The following EYA3 variants were observed in gnomAD, a reference collection of about 807,000 sequenced individuals.
EYA3 encodes the protein EYA transcriptional coactivator and phosphatase 3.
In EYA3, 39 loss-of-function variants were observed where a neutral mutation model predicts 80.0. That is an observed-to-expected ratio of 0.49 (90% CI 0.38 to 0.64). The LOEUF (loss-of-function observed/expected upper bound fraction) is 0.64. Ranked by LOEUF, EYA3 falls within the 30% of genes least tolerant of loss-of-function variation. The pLI, the probability that EYA3 is intolerant of heterozygous loss-of-function variation, is 0.00. For missense variants in EYA3, 523 were observed against 676.1 expected (o/e 0.77, Z 2.51); for synonymous variants, 206 against 232.8 (o/e 0.88, Z 1.05).
chr1:28,001,874 G>C (rs1205268331), intron 11 of EYA3, among the ~76,000 whole-genome samples: 1 of 150,792 alleles, frequency 6.6e-6, no homozygotes, highest in Admixed American at 6.6e-5. Flanking sequence ...GGGATTACAG[G>C]CATGTGCCAC....
intron 6 of EYA3, among the ~76,000 whole-genome samples, chr1:28,031,351 T>C (rs1374869671): frequency 2.0e-5 from 3 of 152,158 alleles, no homozygotes; most frequent in South Asian, 2.1e-4. Flanking sequence ...TTGCTCATAG[T>C]AAACAAGGAA....
Position 28,048,250 on chromosome 1 carries a change from A to G in EYA3, c.77+133T>C, listed in dbSNP as rs114360141. 5.4e-3 allele frequency: 3,274 copies of G among 608,316 alleles called. 79 individuals carry two copies. In the African/African-American group the frequency reaches 0.054, roughly 10 times the overall value. The allele number at this position is 608,316 out of a possible 1,614,324, so 37.7% of individuals were successfully genotyped here. Reference sequence around the variant, plus strand: ...AAAGGAAATTTTAATCTTAAACCAAATAATTTCAAAATGTAACAGCTGATG... The same window carrying G: ...AAAGGAAATTTTAATCTTAAACCAAGTAATTTCAAAATGTAACAGCTGATG... On this transcript the variant is annotated intron_variant, in intron 3 of 17. Transcript: ENST00000373871.
intron 7 of EYA3, among the ~76,000 whole-genome samples, chr1:28,024,821 T>A (rs1259179683): frequency 1.3e-5 from 2 of 152,158 alleles, no homozygotes; most frequent in Non-Finnish European, 2.9e-5. Flanking sequence ...AGAAGTCAGA[T>A]CTACTCATTC....
At chr1:27,988,780 C>T (rs935958807) in intron 15 of EYA3, 124 bp from the exon 16 acceptor site, 2 of 1,011,798 alleles carry the variant, frequency 2.0e-6, no homozygotes, top group African/African-American at 3.3e-5. Context: ...TGGTATTATA[C>T]TGTTCAGAGC....
intron 5 of EYA3, among the ~76,000 whole-genome samples, chr1:28,037,404 A>G (rs948799215): frequency 1.3e-5 from 2 of 152,248 alleles, no homozygotes; most frequent in Non-Finnish European, 2.9e-5. Context: ...TAAAAAACTG[A>G]ATTTAAAAAT....
In EYA3 at chr1:28,042,563, G is replaced by GTAC; in HGVS notation, c.157+5_157+7dup. On this transcript the variant is annotated splice_region_variant and intron_variant, in intron 4 of 17. Coordinates refer to ENST00000373871, the MANE Select transcript of EYA3 (RefSeq NM_001990.4). ...TCTGTTCAATCATGCACAGAATATGGTACTTACTTTCCTCTGACATGGGAA... is the reference window on the plus strand; with the variant it reads ...TCTGTTCAATCATGCACAGAATATGGTACTACTTACTTTCCTCTGACATGGGAA... 1 of 1,610,546 alleles carries GTAC rather than the reference G, an allele frequency of 6.2e-7. No individual in the cohort carries two copies. The highest frequency in any genetic ancestry group is 1.7e-5 in the Admixed American group (1 of 59,992).
intron 14 of EYA3, among the ~76,000 whole-genome samples, chr1:27,991,826 G>A (rs1293505557): frequency 6.6e-6 from 1 of 152,064 alleles, no homozygotes; most frequent in East Asian, 1.9e-4. Context: ...CTCACACAGG[G>A]TTACATCGCT....
Position 28,088,548 on chromosome 1 carries a change from C to T in EYA3, c.-93G>A, listed in dbSNP as rs1472922106. Reference sequence around the variant, plus strand: ...CCCAAAGGCTGTAAAAGCCCCACAACAGGACATGGAGATCAGTCCAGACCC... The same window carrying T: ...CCCAAAGGCTGTAAAAGCCCCACAATAGGACATGGAGATCAGTCCAGACCC... On this transcript the variant is annotated 5_prime_UTR_variant, in exon 1 of 18. Transcript: ENST00000373871. 6.5e-6 allele frequency: 1 copy of T among 152,930 alleles called. No homozygotes were observed. The highest frequency in any genetic ancestry group is 1.5e-5 in the Non-Finnish European group (1 of 68,250). The allele number at this position is 152,930 out of a possible 1,614,324, so 9.5% of individuals were successfully genotyped here. A position where few individuals can be genotyped will look rare whatever the true frequency, so the allele number is the denominator to read the frequency against.
In EYA3 at chr1:27,974,295, G is replaced by C. The variant is rs746555205; in HGVS notation, c.*171C>G. 4.3e-6 allele frequency: 2 copies of C among 459,920 alleles called. No individual in the cohort carries two copies. Among genetic ancestry groups the C allele is most frequent in the East Asian group, 6.7e-5 (2 of 29,718 alleles). The allele number at this position is 459,920 out of a possible 1,614,324, so 28.5% of individuals were successfully genotyped here. A position where few individuals can be genotyped will look rare whatever the true frequency, so the allele number is the denominator to read the frequency against. On this transcript the variant is annotated 3_prime_UTR_variant, in exon 18 of 18. Coordinates refer to ENST00000373871, the MANE Select transcript of EYA3 (RefSeq NM_001990.4). ...AGAGAGAGAGAGGCAGAGAGGGAGG[G>C]AGAGAGGAAGGGAGGGAGGGAGAGA... is the stretch of plus-strand genomic sequence containing the variant.
intron 16 of EYA3, among the ~76,000 whole-genome samples, chr1:27,988,003 G>T (rs1639784798): frequency 6.6e-6 from 1 of 152,076 alleles, no homozygotes; most frequent in African/African-American, 2.4e-5. Flanking sequence ...AAGTAGTTAG[G>T]ACTACAGCTG....
intron 2 of EYA3, 107 bp downstream of exon 2, chr1:28,057,887 T>C (rs1432065044): frequency 8.1e-6 from 5 of 614,806 alleles, no homozygotes; most frequent in Admixed American, 2.9e-5. Context: ...AAGGAATCTT[T>C]TCCTTATTTT....
intron 1 of EYA3, among the ~76,000 whole-genome samples, chr1:28,071,845 G>T (rs1645029352): frequency 6.6e-6 from 1 of 152,170 alleles, no homozygotes; most frequent in Non-Finnish European, 1.5e-5. Context: ...CAAACAGAAT[G>T]AAACTATAAA....
At chr1:28,019,944 C>T (rs757241499) in intron 7 of EYA3, among the ~76,000 whole-genome samples, 13 of 151,982 alleles carry the variant, frequency 8.6e-5, no homozygotes, top group Non-Finnish European at 1.8e-4. Flanking sequence ...TCAGGTGATC[C>T]ACCCACCTCA....
chr1:28,082,232 C>T (rs1645455950), intron 1 of EYA3, among the ~76,000 whole-genome samples: 1 of 152,068 alleles, frequency 6.6e-6, no homozygotes. Flanking sequence ...TTTCTGTAAA[C>T]CAGATTCTAC....
intron 16 of EYA3, among the ~76,000 whole-genome samples, chr1:27,988,322 C>T (rs1639803422): frequency 6.6e-6 from 1 of 152,090 alleles, no homozygotes; most frequent in Non-Finnish European, 1.5e-5. Flanking sequence ...TATCAAAGAG[C>T]ATGCTTATGT....
intron 1 of EYA3, among the ~76,000 whole-genome samples, chr1:28,074,845 T>A (rs1301692786): frequency 2.0e-5 from 3 of 152,348 alleles, no homozygotes; most frequent in Non-Finnish European, 2.9e-5. Context: ...ACCAGGTATT[T>A]GTTGTTATTA....
chr1:28,000,217 T>C (rs1279430514), intron 11 of EYA3, among the ~76,000 whole-genome samples, 168 bp from the exon 12 acceptor site: 1 of 152,226 alleles, frequency 6.6e-6, no homozygotes, highest in African/African-American at 2.4e-5. Context: ...TCCAGGATTG[T>C]AAAATAGAGA....
intron 1 of EYA3, among the ~76,000 whole-genome samples, chr1:28,064,267 AC>A (rs1320348835): frequency 6.6e-6 from 1 of 152,122 alleles, no homozygotes; most frequent in African/African-American, 2.4e-5. Context: ...TATATAAAAA[AC>A]AACCCAGTGT....
intron 7 of EYA3, among the ~76,000 whole-genome samples, chr1:28,025,624 T>G (rs1642733099): frequency 6.6e-6 from 1 of 152,220 alleles, no homozygotes; most frequent in Admixed American, 6.5e-5. Context: ...CATAAATACC[T>G]GCAATTGTCA....
Sources: allele counts gnomAD v4.1 joint callset (sites outside exome capture counted in the v4.1 genomes callset), GRCh38; gene constraint gnomAD v4.1.1; transcripts MANE v1.5; gene names NCBI Gene and HGNC (gene_info 2026-07-23, HGNC 2026-07-21).